ZC3H12B: variants seen among roughly 807,000 people sequenced by gnomAD.
ZC3H12B encodes the protein zinc finger CCCH-type containing 12B.
A neutral mutation model predicts 43.9 loss-of-function variants in ZC3H12B; 7 were observed. The ratio of observed to expected loss-of-function variants is 0.16; its 90% CI spans 0.09 to 0.30. The LOEUF (loss-of-function observed/expected upper bound fraction) is 0.30. ZC3H12B is among the 10% of genes least tolerant of loss of function. ZC3H12B has a pLI of 1.00. For synonymous variants in ZC3H12B, 222 were observed against 241.7 expected (o/e 0.92, Z 0.76); for missense variants, 475 against 670.2 (o/e 0.71, Z 3.22).
At chrX:65,107,442 T>G in the ZC3H12B span, among the ~76,000 whole-genome samples, 1 of 111,463 alleles carries the variant, frequency 9.0e-6, no homozygotes, top group Non-Finnish European at 1.9e-5. Flanking sequence ...ATCACTTAAC[T>G]GTAGGGATTC....
chrX:65,257,203 C>A, the ZC3H12B span, among the ~76,000 whole-genome samples: 80 of 112,032 alleles, frequency 7.1e-4, no homozygotes, highest in African/African-American at 2.6e-3. Context: ...GGAACCAACC[C>A]AAATGTCCAT....
chrX:65,360,588 G>A, the ZC3H12B span, among the ~76,000 whole-genome samples: 2 of 111,837 alleles, frequency 1.8e-5, no homozygotes, highest in Non-Finnish European at 3.8e-5. Context: ...TCCTACAAAC[G>A]CTGCAGATGG....
intron 2 of ZC3H12B, among the ~76,000 whole-genome samples, 183 bp from the exon 5 acceptor site, chrX:65,398,410 C>G (rs1232870808): frequency 8.9e-6 from 1 of 112,001 alleles, no homozygotes; most frequent in Non-Finnish European, 1.9e-5. Flanking sequence ...TGTGTCCCCA[C>G]ACAAATCTTG....
At chrX:65,300,414 G>A in the ZC3H12B span, among the ~76,000 whole-genome samples, 1 of 111,384 alleles carries the variant, frequency 9.0e-6, no homozygotes, top group Admixed American at 9.5e-5. Flanking sequence ...CTGACGACCT[G>A]TATGACATAA....
chrX:65,457,448 G>T (rs1405846367), intron 3 of ZC3H12B, among the ~76,000 whole-genome samples: 33 of 76,001 alleles, frequency 4.3e-4, no homozygotes, highest in African/African-American at 1.9e-3. Context: ...TGGTGGGGGG[G>T]TCAGCCCCCC....
chrX:65,194,871 A>C, the ZC3H12B span, among the ~76,000 whole-genome samples: 1 of 112,124 alleles, frequency 8.9e-6, no homozygotes, highest in Non-Finnish European at 1.9e-5. Flanking sequence ...ATATATATTT[A>C]AAATTGTGAT....
exon 5 of ZC3H12B, chrX:65,504,301 C>T (rs1469225402): frequency 8.9e-6 from 1 of 112,458 alleles, no homozygotes; most frequent in Non-Finnish European, 1.9e-5. Context: ...GGTCACTAAT[C>T]TGACTTGATG....
the ZC3H12B span, among the ~76,000 whole-genome samples, chrX:65,138,763 C>G: frequency 9.0e-6 from 1 of 111,286 alleles, no homozygotes; most frequent in African/African-American, 3.3e-5. Flanking sequence ...TATCTGTAAT[C>G]TTTTTGATAA....
the ZC3H12B span, among the ~76,000 whole-genome samples, chrX:65,304,274 C>A: frequency 2.7e-5 from 3 of 111,425 alleles, no homozygotes; most frequent in Non-Finnish European, 3.8e-5. Context: ...AGTATAGTTT[C>A]TTTAACTAAT....
chrX:65,435,115 C>A (rs1274861144), intron 3 of ZC3H12B, among the ~76,000 whole-genome samples: 1 of 111,418 alleles, frequency 9.0e-6, no homozygotes, highest in Non-Finnish European at 1.9e-5. Flanking sequence ...TGATGAGGAA[C>A]TGTGTTTGAT....
At chrX:65,328,567 T>A in the ZC3H12B span, 181 of 184,084 alleles carry the variant, frequency 9.8e-4, no homozygotes, top group African/African-American at 4.3e-3. Flanking sequence ...TCTTTTTTTT[T>A]ATTATACTTT....
chrX:65,295,053 A>C, the ZC3H12B span, among the ~76,000 whole-genome samples: 1 of 111,756 alleles, frequency 8.9e-6, no homozygotes, highest in African/African-American at 3.2e-5. Context: ...CAGAATATAC[A>C]TTCTATTCAT....
chrX:65,360,058 T>C, the ZC3H12B span, among the ~76,000 whole-genome samples: 1 of 112,288 alleles, frequency 8.9e-6, no homozygotes, highest in African/African-American at 3.2e-5. Context: ...AAGGTTCAGA[T>C]GATTGTTAGC....
chrX:65,212,171 A>C, the ZC3H12B span, among the ~76,000 whole-genome samples: 1 of 48,889 alleles, frequency 2.0e-5, no homozygotes, highest in African/African-American at 8.4e-5. Context: ...ATAATATATA[A>C]TATTATATAT....
chrX:65,441,453 T>C (rs1168441010), intron 3 of ZC3H12B, among the ~76,000 whole-genome samples: 1 of 112,061 alleles, frequency 8.9e-6, no homozygotes, highest in Non-Finnish European at 1.9e-5. Context: ...TAATTTGATT[T>C]ACCCAATAAG....
intron 2 of ZC3H12B, among the ~76,000 whole-genome samples, chrX:65,380,802 T>C (rs180797509): frequency 0.14 from 15,726 of 110,708 alleles, 2,736 homozygotes; most frequent in African/African-American, 0.49. Context: ...GGGGTTGCAA[T>C]CCTAGTCTCT....
intron 2 of ZC3H12B, among the ~76,000 whole-genome samples, chrX:65,397,634 T>A (rs1301980500): frequency 9.0e-6 from 1 of 111,279 alleles, no homozygotes. Context: ...CATATCTCAA[T>A]ATGATAAAAG....
At chrX:65,084,017 T>C in the ZC3H12B span, among the ~76,000 whole-genome samples, 1 of 111,480 alleles carries the variant, frequency 9.0e-6, no homozygotes, top group Non-Finnish European at 1.9e-5. Context: ...GAAAAGACAG[T>C]CTCTTCCATT....
chrX:65,342,042 CA>C, the ZC3H12B span, among the ~76,000 whole-genome samples: 9 of 110,650 alleles, frequency 8.1e-5, no homozygotes, highest in African/African-American at 3.0e-4. Flanking sequence ...ATGACAAACA[CA>C]GGCTAAAAAT....
Sources: gnomAD v4.1 joint callset for allele counts (sites outside exome capture counted in the v4.1 genomes callset) on GRCh38, gnomAD v4.1.1 for gene constraint, MANE v1.5 for transcripts, NCBI Gene and HGNC (gene_info 2026-07-23, HGNC 2026-07-21) for gene names.